XXYLT1: variants seen among roughly 807,000 people sequenced by gnomAD.
XXYLT1 encodes the protein xyloside xylosyltransferase 1.
Under a neutral mutation model 28.9 loss-of-function variants are expected in XXYLT1, and 20 were observed. That is an observed-to-expected ratio of 0.69 (90% CI 0.49 to 1.00). XXYLT1 has a LOEUF of 1.00. Among genes scored for constraint, XXYLT1 ranks in the 50% least tolerant of loss-of-function variants. The pLI is 0.00. For missense variants in XXYLT1, 542 were observed against 560.1 expected (o/e 0.97, Z 0.33); for synonymous variants, 257 against 253.8 (o/e 1.01, Z -0.12).
intron 1 of XXYLT1, among the ~76,000 whole-genome samples, chr3:195,234,267 G>C (rs542230246): frequency 0.061 from 8,119 of 132,992 alleles, 796 homozygotes; most frequent in African/African-American, 0.21. Context: ...TCAAGCTTTT[G>C]TTTGTCTGGG....
intron 1 of XXYLT1, among the ~76,000 whole-genome samples, chr3:195,243,245 G>C (rs1158678879): frequency 6.6e-6 from 1 of 151,862 alleles, no homozygotes; most frequent in African/African-American, 2.4e-5. Flanking sequence ...AGCATTAGGA[G>C]ATACACGTAA....
In XXYLT1 at chr3:195,270,648, A is replaced by G; in HGVS notation, c.411T>C (p.Leu137=). 1 of 1,572,340 alleles carries G rather than the reference A, an allele frequency of 6.4e-7. No individual in the cohort carries two copies. Among genetic ancestry groups the G allele is most frequent in the Non-Finnish European group, 8.6e-7 (1 of 1,165,568 alleles). ...CCTCCTCGCTCACGAAGTGAAGGTT[A>G]AGCACCTCGTGCGCCTCGAACTTGG... ...RLAKFEAHEV[L]NLHFVSEEAS... is the part of the protein sequence containing the mutation. The change falls in exon 1 of 4, where the codon CTT becomes CTC. Residue 137 remains leucine (L), a synonymous_variant. Coordinates refer to ENST00000310380, the MANE Select transcript of XXYLT1 (RefSeq NM_152531.5).
intron 1 of XXYLT1, among the ~76,000 whole-genome samples, chr3:195,265,504 C>T (rs1179132297): frequency 6.6e-6 from 1 of 152,212 alleles, no homozygotes; most frequent in African/African-American, 2.4e-5. Context: ...GCAAATACCA[C>T]AAAGAAGCAA....
intron 1 of XXYLT1, among the ~76,000 whole-genome samples, chr3:195,251,167 C>T (rs906487747): frequency 3.9e-5 from 6 of 152,348 alleles, no homozygotes; most frequent in South Asian, 2.1e-4. Flanking sequence ...TGCTGCCCCG[C>T]GGGCAGGTCC....
At chr3:195,190,493 CAAAAAAAAAAAA>C (rs57722997) in intron 2 of XXYLT1, among the ~76,000 whole-genome samples, 2 of 34,986 alleles carry the variant, frequency 5.7e-5, no homozygotes, top group Admixed American at 6.5e-4. Context: ...GACTCTGTCT[CAAAAAAAAAAAA>C]AAAAAAAAAA....
intron 2 of XXYLT1, among the ~76,000 whole-genome samples, chr3:195,175,090 A>T (rs1721595981): frequency 6.6e-6 from 1 of 152,238 alleles, no homozygotes; most frequent in Admixed American, 6.5e-5. Flanking sequence ...TTCCCCATTT[A>T]AGAAACTTAG....
At chr3:195,070,755 G>A (rs1226612104) in intron 3 of XXYLT1, among the ~76,000 whole-genome samples, 1 of 152,180 alleles carries the variant, frequency 6.6e-6, no homozygotes, top group African/African-American at 2.4e-5. Flanking sequence ...CCCAAGCCTG[G>A]CACTTCAGAA....
chr3:195,160,691 G>A (rs1049400259), intron 2 of XXYLT1, among the ~76,000 whole-genome samples: 2 of 152,214 alleles, frequency 1.3e-5, no homozygotes, highest in African/African-American at 4.8e-5. Context: ...CCTGACCCCA[G>A]AGGAGTTGTT....
intron 1 of XXYLT1, among the ~76,000 whole-genome samples, chr3:195,254,232 G>GCACTGAC (rs1487905662): frequency 1.3e-5 from 2 of 152,214 alleles, no homozygotes; most frequent in African/African-American, 4.8e-5. Flanking sequence ...GCCCCACCCT[G>GCACTGAC]CACTGACCAC....
At chr3:195,246,962 G>A (rs1427114047) in intron 1 of XXYLT1, among the ~76,000 whole-genome samples, 1 of 152,184 alleles carries the variant, frequency 6.6e-6, no homozygotes, top group Non-Finnish European at 1.5e-5. Context: ...AATGCACGGA[G>A]TCACTCACCA....
At chr3:195,184,527 A>G (rs1169343864) in intron 2 of XXYLT1, 3 of 788,666 alleles carry the variant, frequency 3.8e-6, no homozygotes, top group Non-Finnish European at 4.6e-6. Flanking sequence ...ACCTCAGACT[A>G]TCTTAATAAA....
intron 2 of XXYLT1, chr3:195,175,799 G>A (rs1273867816): frequency 4.4e-5 from 65 of 1,468,876 alleles, no homozygotes; most frequent in African/African-American, 7.0e-5. Context: ...AGATGGCGTC[G>A]TTACAGGATG....
chr3:195,241,810 A>AAC lies in XXYLT1; in HGVS notation c.505-14956_505-14955dup, dbSNP rs202193296. ...CACCAACACACACACACATGCGCACAACACACACACACATGCACACAACAT... is the reference window on the plus strand; with the variant it reads ...CACCAACACACACACACATGCGCACAACACACACACACACATGCACACAACAT... On this transcript the variant is annotated intron_variant, in intron 1 of 3. Transcript: ENST00000310380. Among the ~76,000 whole-genome samples, 167 of 151,928 alleles carry AAC rather than the reference A, an allele frequency of 1.1e-3. 6 individuals carry two copies. In the East Asian group the frequency reaches 0.026, roughly 24 times the overall value.
intron 2 of XXYLT1, among the ~76,000 whole-genome samples, chr3:195,213,233 C>T (rs1199237091): frequency 5.9e-5 from 9 of 151,436 alleles, no homozygotes; most frequent in Admixed American, 6.6e-5. Flanking sequence ...TTATTTATTA[C>T]GCTAATCTGA....
intron 2 of XXYLT1, among the ~76,000 whole-genome samples, chr3:195,205,487 G>A (rs1005423311): frequency 2.6e-5 from 4 of 152,172 alleles, no homozygotes; most frequent in Non-Finnish European, 4.4e-5. Context: ...GGTTGCTACG[G>A]GTCAGAGGAG....
At chr3:195,251,801 G>C (rs1431072509) in intron 1 of XXYLT1, among the ~76,000 whole-genome samples, 1 of 152,148 alleles carries the variant, frequency 6.6e-6, no homozygotes, top group Non-Finnish European at 1.5e-5. Context: ...ATGGGAAGGG[G>C]AACAGCCACC....
rs555354994 is a variant in XXYLT1 at position 195,070,402 on chromosome 3, C to T, written c.786-291G>A. Reference sequence around the variant, plus strand: ...ACTAGACCGGCTTACTTACTCCCCACACAACCCCAGGGGATGGGTGCTCTG... The same window carrying T: ...ACTAGACCGGCTTACTTACTCCCCATACAACCCCAGGGGATGGGTGCTCTG... On this transcript the variant is annotated intron_variant, in intron 3 of 3. Transcript: ENST00000310380. 2.0e-5 allele frequency among the ~76,000 whole-genome samples: 3 copies of T among 152,142 alleles called. No individual in the cohort carries two copies. In the East Asian group the frequency reaches 5.8e-4, roughly 29 times the overall value.
intron 2 of XXYLT1, chr3:195,175,545 C>G: frequency 6.5e-7 from 1 of 1,528,198 alleles, no homozygotes; most frequent in East Asian, 2.5e-5. Flanking sequence ...GATGGAGATT[C>G]CTAGGGGTAG....
chr3:195,260,261 G>A (rs867976077), intron 1 of XXYLT1, among the ~76,000 whole-genome samples: 4 of 151,156 alleles, frequency 2.6e-5, no homozygotes, highest in African/African-American at 9.7e-5. Context: ...GGCCCCGGGC[G>A]GGGGAGGGAC....
Sources: allele counts gnomAD v4.1 joint callset (sites outside exome capture counted in the v4.1 genomes callset), GRCh38; gene constraint gnomAD v4.1.1; transcripts MANE v1.5; gene names NCBI Gene and HGNC (gene_info 2026-07-23, HGNC 2026-07-21).